The following ADAMTS18 variants were observed in gnomAD, a reference collection of about 807,000 sequenced individuals.
ADAMTS18 encodes ADAM metallopeptidase with thrombospondin type 1 motif 18.
Under a neutral mutation model 165.9 loss-of-function variants are expected in ADAMTS18, and 157 were observed. The ratio of observed to expected loss-of-function variants is 0.95; its 90% CI spans 0.83 to 1.08. The LOEUF is 1.08. Among genes scored for constraint, ADAMTS18 ranks in the 50% least tolerant of loss-of-function variants. ADAMTS18 has a pLI of 0.00. For missense variants in ADAMTS18, 2,040 were observed against 1,534.0 expected, an observed-to-expected ratio of 1.33 and a Z score of -5.51; for synonymous variants, 782 against 578.2, an observed-to-expected ratio of 1.35 and a Z score of -5.06.
At position 77,434,755 on chromosome 16, in the gene ADAMTS18, G is replaced by C. The variant is rs1285789080; in HGVS notation, c.-60C>G. On this transcript the variant is annotated 5_prime_UTR_variant, in exon 1 of 23. Coordinates refer to ENST00000282849, the MANE Select transcript of ADAMTS18 (RefSeq NM_199355.4). ...GACGCGGCAGGCGGAGCGCACGGGC[G>C]GCGCGCATTCTTTCCGCGGCCCCGG... The C allele has an allele frequency of 1.5e-6, 2 of 1,326,324 alleles. No homozygotes were observed. Among genetic ancestry groups the C allele is most frequent in the African/African-American group, 1.5e-5 (1 of 64,636 alleles). 82.2% of individuals were successfully genotyped at this position (1,326,324 alleles called of 1,614,324 possible).
chr16:77,407,390 A>G (rs572798570), intron 3 of ADAMTS18, among the ~76,000 whole-genome samples: 3 of 152,214 alleles, frequency 2.0e-5, no homozygotes, highest in Non-Finnish European at 4.4e-5. Flanking sequence ...AATAACATAA[A>G]TATTAGCCTG....
chr16:77,289,541 C>T (rs909730584), intron 21 of ADAMTS18, 130 bp from the exon 22 acceptor site: 56 of 1,068,320 alleles, frequency 5.2e-5, no homozygotes, highest in Non-Finnish European at 7.5e-5. Context: ...TGGAGCCAGG[C>T]ACATGTGCTT....
At chr16:77,333,969 T>C (rs917859984) in intron 12 of ADAMTS18, among the ~76,000 whole-genome samples, 1 of 134,046 alleles carries the variant, frequency 7.5e-6, no homozygotes, top group African/African-American at 2.8e-5. Context: ...ATATATAATA[T>C]AGTGTCATAT....
chr16:77,349,992 T>C (rs1323663311), intron 10 of ADAMTS18, among the ~76,000 whole-genome samples: 2 of 152,180 alleles, frequency 1.3e-5, no homozygotes, highest in Admixed American at 6.5e-5. Flanking sequence ...AGAGGATGCA[T>C]TTGTTCAGCT....
At chr16:77,358,017 T>G (rs190241411) in intron 8 of ADAMTS18, among the ~76,000 whole-genome samples, 2 of 152,342 alleles carry the variant, frequency 1.3e-5, no homozygotes, top group East Asian at 3.9e-4. Flanking sequence ...CGGTTGGACT[T>G]CATGCTGGTA....
rs1242022512 is a variant in ADAMTS18 at position 77,400,480 on chromosome 16, GTTT to G, written c.495+30812_495+30814del. 1.3e-3 allele frequency among the ~76,000 whole-genome samples: 133 copies of G among 104,076 alleles called. 2 individuals are homozygous for G. Among genetic ancestry groups the G allele is most frequent in the African/African-American group, 3.7e-3 (115 of 31,288 alleles). The allele number at this position is 104,076 out of a possible 152,430, so 68.3% of individuals were successfully genotyped here. A position where few individuals can be genotyped will look rare whatever the true frequency, so the allele number is the denominator to read the frequency against. ...TCTGTGTGTGTGTGTGTGTGTGTGTGTTTTGTTTTTTTTTTTTTTGAGACGGAG... is the reference window on the plus strand; with the variant it reads ...TCTGTGTGTGTGTGTGTGTGTGTGTGTGTTTTTTTTTTTTTTGAGACGGAG... On this transcript the variant is annotated intron_variant, in intron 3 of 22. Transcript: ENST00000282849.
intron 3 of ADAMTS18, among the ~76,000 whole-genome samples, chr16:77,417,435 T>C (rs961672242): frequency 1.3e-4 from 20 of 152,182 alleles, no homozygotes; most frequent in African/African-American, 3.9e-4. Context: ...TATAAAGATA[T>C]TGAGAAATTT....
chr16:77,282,418 C>G lies in ADAMTS18; in HGVS notation c.*1538G>C, dbSNP rs1177816334. The G allele has an allele frequency of 6.6e-6, 1 of 151,952 alleles. No individual in the cohort carries two copies. Among genetic ancestry groups the G allele is most frequent in the Non-Finnish European group, 1.5e-5 (1 of 67,978 alleles). 9.4% of individuals were successfully genotyped at this position (151,952 alleles called of 1,614,324 possible). A position where few individuals can be genotyped will look rare whatever the true frequency, so the allele number is the denominator to read the frequency against. On this transcript the variant is annotated 3_prime_UTR_variant, in exon 23 of 23. Coordinates refer to ENST00000282849, the MANE Select transcript of ADAMTS18 (RefSeq NM_199355.4). ...TCCTGTTGATAAAATGGCCACTTCTCTAGGCCAAGCCAAGCAGATTGAGAG... is the reference window on the plus strand; with the variant it reads ...TCCTGTTGATAAAATGGCCACTTCTGTAGGCCAAGCCAAGCAGATTGAGAG...
chr16:77,353,916 C>G, intron 9 of ADAMTS18, 30 bp from the exon 10 acceptor site: 1 of 1,613,758 alleles, frequency 6.2e-7, no homozygotes, highest in Non-Finnish European at 8.5e-7. Context: ...TTATTAATTA[C>G]TCTGTTGATC....
intron 3 of ADAMTS18, among the ~76,000 whole-genome samples, chr16:77,387,656 T>C (rs1261544571): frequency 1.3e-5 from 2 of 152,192 alleles, no homozygotes; most frequent in African/African-American, 4.8e-5. Flanking sequence ...TGGCTTGTCA[T>C]GATCACATTA....
chr16:77,362,580 T>G (rs2056732024), intron 6 of ADAMTS18, among the ~76,000 whole-genome samples: 1 of 152,226 alleles, frequency 6.6e-6, no homozygotes, highest in South Asian at 2.1e-4. Flanking sequence ...TAAAACATGA[T>G]AATAAATTAA....
rs763179395 is a variant in ADAMTS18, at chr16:77,367,520, G to A, written c.699C>T (p.Pro233=). 6.2e-7 allele frequency: 1 copy of A among 1,614,212 alleles called. No individual in the cohort carries two copies. The highest frequency in any genetic ancestry group is 8.5e-7 in the Non-Finnish European group (1 of 1,180,038). Residue 233 remains proline, a synonymous_variant, in exon 4 of 23, where the codon CCC becomes CCT. Coordinates refer to ENST00000282849, the MANE Select transcript of ADAMTS18 (RefSeq NM_199355.4). ...CTGTCTCTCGACTCTGAGATGCATGGGGAATGTGACTTGGGGAGTAACCAG... is the reference window on the plus strand; with the variant it reads ...CTGTCTCTCGACTCTGAGATGCATGAGGAATGTGACTTGGGGAGTAACCAG... The part of the protein sequence containing the change: ...NYPGYSPSHI[P]HASQSRETEY...
At chr16:77,392,702 G>T (rs78657268) in intron 3 of ADAMTS18, among the ~76,000 whole-genome samples, 1 of 152,088 alleles carries the variant, frequency 6.6e-6, no homozygotes, top group Non-Finnish European at 1.5e-5. Flanking sequence ...TAGGGTAGAC[G>T]TCGTAAATAT....
intron 16 of ADAMTS18, among the ~76,000 whole-genome samples, chr16:77,304,707 G>C (rs866615102): frequency 2.0e-5 from 3 of 152,106 alleles, no homozygotes; most frequent in African/African-American, 7.2e-5. Context: ...CTGGCCAAAA[G>C]AAAAAGAGAA....
chr16:77,346,555 G>C (rs1429472991), intron 10 of ADAMTS18, among the ~76,000 whole-genome samples: 2 of 152,034 alleles, frequency 1.3e-5, no homozygotes, highest in African/African-American at 4.8e-5. Context: ...TTATTTCATT[G>C]TATCATCATT....
chr16:77,358,880 A>C (rs776777807), intron 8 of ADAMTS18, among the ~76,000 whole-genome samples: 14 of 152,248 alleles, frequency 9.2e-5, no homozygotes, highest in Non-Finnish European at 1.3e-4. Flanking sequence ...ACCAATCAAA[A>C]GAATATTAAG....
intron 7 of ADAMTS18, among the ~76,000 whole-genome samples, chr16:77,359,776 G>A (rs2056685638): frequency 6.6e-6 from 1 of 152,108 alleles, no homozygotes; most frequent in Non-Finnish European, 1.5e-5. Flanking sequence ...CAGAGCAACG[G>A]ATAGAATGAT....
intron 4 of ADAMTS18, among the ~76,000 whole-genome samples, chr16:77,365,437 A>C (rs1238235799): frequency 6.6e-6 from 1 of 152,264 alleles, no homozygotes; most frequent in African/African-American, 2.4e-5. Context: ...CACAGACTTT[A>C]ACATAGCACA....
chr16:77,388,323 C>T (rs2057138290), intron 3 of ADAMTS18, among the ~76,000 whole-genome samples: 1 of 152,184 alleles, frequency 6.6e-6, no homozygotes, highest in Admixed American at 6.5e-5. Context: ...TAGGTCTGAA[C>T]TCATGACCTC....
Sources: gnomAD v4.1 joint callset for allele counts (sites outside exome capture counted in the v4.1 genomes callset) on GRCh38, gnomAD v4.1.1 for gene constraint, MANE v1.5 for transcripts, NCBI Gene and HGNC (gene_info 2026-07-23, HGNC 2026-07-21) for gene names.